Variants in F11 observed in about 807,000 individuals in gnomAD.
F11 encodes the protein coagulation factor XI.
A neutral mutation model predicts 76.5 loss-of-function variants in F11; 78 were observed. The ratio of observed to expected loss-of-function variants is 1.02; its 90% CI spans 0.85 to 1.23. The LOEUF is 1.23. F11 is among the 50% of genes most tolerant of loss of function. The pLI is 0.00. For synonymous variants in F11, 278 were observed against 276.3 expected, an observed-to-expected ratio of 1.01 and a Z score of -0.06; for missense variants, 742 against 771.4, an observed-to-expected ratio of 0.96 and a Z score of 0.45.
intron 6 of F11, 100 bp downstream of exon 6, chr4:186,275,996 G>C: frequency 9.4e-7 from 1 of 1,064,102 alleles, no homozygotes; most frequent in East Asian, 2.6e-5. Flanking sequence ...CGATGAAACG[G>C]ACCCAAAGAT....
At chr4:186,278,367 ATC>A (rs1740537389) in intron 7 of F11, among the ~76,000 whole-genome samples, 1 of 152,182 alleles carries the variant, frequency 6.6e-6, no homozygotes, top group African/African-American at 2.4e-5. Flanking sequence ...ATGAAAATAT[ATC>A]TGTTACCATC....
At chr4:186,280,963 C>T (rs1005279897) in intron 10 of F11, among the ~76,000 whole-genome samples, 10 of 150,208 alleles carry the variant, frequency 6.7e-5, no homozygotes, top group Non-Finnish European at 1.0e-4. Flanking sequence ...CTCCTGGACT[C>T]GAACAATCCT....
intron 2 of F11, 109 bp from the exon 3 acceptor site, chr4:186,271,500 G>C: frequency 8.3e-7 from 1 of 1,202,234 alleles, no homozygotes; most frequent in Non-Finnish European, 1.2e-6. Flanking sequence ...AAATTCAGGC[G>C]TATTTCCTGG....
chr4:186,274,551 G>T (rs1339454446), intron 5 of F11: 3 of 449,096 alleles, frequency 6.7e-6, no homozygotes, highest in African/African-American at 4.0e-5. Context: ...TGGCACTTTT[G>T]AAACAGCTGC....
intron 10 of F11, among the ~76,000 whole-genome samples, chr4:186,283,771 C>T (rs1441835160): frequency 1.3e-5 from 2 of 152,210 alleles, no homozygotes; most frequent in African/African-American, 4.8e-5. Context: ...CCAGGTGACG[C>T]TGTTGGTCTG....
intron 14 of F11, among the ~76,000 whole-genome samples, chr4:186,288,181 G>A (rs1312560251): frequency 6.6e-6 from 1 of 151,976 alleles, no homozygotes; most frequent in African/African-American, 2.4e-5. Flanking sequence ...CAAAGTGCTG[G>A]GATTACAGGC....
chr4:186,290,448 G>A (rs1375070537), downstream of F11, among the ~76,000 whole-genome samples: 2 of 152,164 alleles, frequency 1.3e-5, no homozygotes, highest in Non-Finnish European at 2.9e-5. Flanking sequence ...ATACTATCTT[G>A]TTACTTGCTT....
At chr4:186,274,389 T>G in intron 5 of F11, 114 bp downstream of exon 5, 1 of 1,300,194 alleles carries the variant, frequency 7.7e-7, no homozygotes, top group Non-Finnish European at 1.1e-6. Context: ...TAAAAGACAT[T>G]TCTATAATAG....
intron 13 of F11, among the ~76,000 whole-genome samples, chr4:186,287,030 G>A (rs1264698377): frequency 5.3e-5 from 8 of 152,028 alleles, no homozygotes; most frequent in Non-Finnish European, 7.4e-5. Flanking sequence ...CTGGAGTGCA[G>A]TGGCACGATC....
At chr4:186,282,651 T>C in intron 10 of F11, 1 of 985,166 alleles carries the variant, frequency 1.0e-6, no homozygotes, top group Non-Finnish European at 1.2e-6. Context: ...AGTTACTATT[T>C]ACCTATTAAT....
chr4:186,285,358 GTGTGTGTGCGTGTC>G (rs1282969219), intron 11 of F11, among the ~76,000 whole-genome samples: 1 of 151,524 alleles, frequency 6.6e-6, no homozygotes, highest in Non-Finnish European at 1.5e-5. Flanking sequence ...TGCAGTGTGC[GTGTGTGTGCGTGTC>G]TGTGTGTGCG....
chr4:186,275,228 C>T (rs1265426543), intron 5 of F11: 2 of 455,378 alleles, frequency 4.4e-6, no homozygotes, highest in African/African-American at 2.0e-5. Flanking sequence ...CGGTGGCTCA[C>T]ACCTGTAATC....
At chr4:186,273,217 T>G in intron 4 of F11, 40 bp downstream of exon 4, 1 of 1,435,686 alleles carries the variant, frequency 7.0e-7, no homozygotes, top group Non-Finnish European at 9.8e-7. Flanking sequence ...CCAGCTGTGA[T>G]GTACACATAT....
At chr4:186,284,478 G>A (rs1054738556) in intron 11 of F11, among the ~76,000 whole-genome samples, 2 of 152,098 alleles carry the variant, frequency 1.3e-5, no homozygotes, top group East Asian at 1.9e-4. Context: ...CTGCTATTCC[G>A]CTTCCCATTT....
rs1740110133 is a variant in F11, at chr4:186,273,196, A to G, written c.325+19A>G. On this transcript the variant is annotated intron_variant, in intron 4 of 14. Coordinates refer to ENST00000403665, the MANE Select transcript of F11 (RefSeq NM_000128.4). Reference sequence around the variant, plus strand: ...ATAAGCGGTAAGATATGTTCTCAGAATCAACAAATACCAGCTGTGATGTAC... The same window carrying G: ...ATAAGCGGTAAGATATGTTCTCAGAGTCAACAAATACCAGCTGTGATGTAC... 1.9e-6 allele frequency: 3 copies of G among 1,564,396 alleles called. No homozygotes were observed. Among genetic ancestry groups the G allele is most frequent in the Non-Finnish European group, 2.6e-6 (3 of 1,134,952 alleles).
At chr4:186,269,880 A>C (rs931116253) in intron 2 of F11, among the ~76,000 whole-genome samples, 1 of 152,274 alleles carries the variant, frequency 6.6e-6, no homozygotes, top group African/African-American at 2.4e-5. Flanking sequence ...AACTTTCATC[A>C]GCTATTAAAC....
chr4:186,268,355 G>A (rs956594357), intron 2 of F11, among the ~76,000 whole-genome samples: 2 of 152,086 alleles, frequency 1.3e-5, no homozygotes, highest in Admixed American at 6.5e-5. Flanking sequence ...ATGGATTTTG[G>A]TATCTGCAGG....
Position 186,284,208 on chromosome 4 carries a change from G to A in F11, c.1252G>A (p.Gly418Ser), listed in dbSNP as rs746675361. Reference sequence around the variant, plus strand: ...ACCCACTCAGAGACACCTGTGTGGAGGCTCCATCATTGGAAACCAGTGGAT... The same window carrying A: ...ACCCACTCAGAGACACCTGTGTGGAAGCTCCATCATTGGAAACCAGTGGAT... ...TSPTQRHLCG[G>S]SIIGNQWILT... The change falls in exon 11 of 15, where the codon GGC becomes AGC. Residue 418 changes from glycine (G) to serine (S), a missense_variant. Coordinates refer to ENST00000403665, the MANE Select transcript of F11 (RefSeq NM_000128.4). The A allele has an allele frequency of 1.2e-6, 2 of 1,614,224 alleles. No individual in the cohort carries two copies. Among genetic ancestry groups the A allele is most frequent in the Admixed American group, 1.7e-5 (1 of 60,024 alleles).
chr4:186,282,327 C>A, intron 10 of F11: 1 of 985,358 alleles, frequency 1.0e-6, no homozygotes, highest in Non-Finnish European at 1.2e-6. Context: ...AAAATAAAGT[C>A]TTACGTCTTT....
Sources: gnomAD v4.1 joint callset for allele counts (sites outside exome capture counted in the v4.1 genomes callset) on GRCh38, gnomAD v4.1.1 for gene constraint, MANE v1.5 for transcripts, NCBI Gene and HGNC (gene_info 2026-07-23, HGNC 2026-07-21) for gene names.